Variants in ST7 observed in about 807,000 individuals in gnomAD.
ST7 encodes suppressor of tumorigenicity 7 protein.
A neutral mutation model predicts 78.7 loss-of-function variants in ST7; 28 were observed. That is an observed-to-expected ratio of 0.36 (90% CI 0.26 to 0.49). ST7 has a LOEUF of 0.49. ST7 is among the 20% of genes least tolerant of loss of function. The pLI is 0.99. For missense variants in ST7, 418 were observed against 696.0 expected, an observed-to-expected ratio of 0.60 and a Z score of 4.49; for synonymous variants, 247 against 249.6, an observed-to-expected ratio of 0.99 and a Z score of 0.10.
intron 1 of ST7, chr7:116,968,447 A>G (rs13243111): frequency 0.18 from 80,896 of 451,966 alleles, 8,514 homozygotes; most frequent in South Asian, 0.22. Context: ...GGCTCAAGCA[A>G]TCCTTCTGCC....
At chr7:116,974,172 C>T (rs1411961632) in intron 1 of ST7, among the ~76,000 whole-genome samples, 3 of 152,138 alleles carry the variant, frequency 2.0e-5, no homozygotes, top group African/African-American at 7.2e-5. Flanking sequence ...AAATATCCCC[C>T]TCAGGTATTC....
chr7:116,996,017 C>T (rs1304542152), intron 1 of ST7, among the ~76,000 whole-genome samples: 1 of 151,934 alleles, frequency 6.6e-6, no homozygotes, highest in Non-Finnish European at 1.5e-5. Flanking sequence ...CCCCTTCTTA[C>T]CTCCATAACA....
intron 1 of ST7, among the ~76,000 whole-genome samples, chr7:117,055,964 A>T (rs569596412): frequency 8.9e-4 from 136 of 152,314 alleles, no homozygotes; most frequent in South Asian, 1.5e-3. Context: ...AAGAACTTGG[A>T]GTCCAATATT....
intron 1 of ST7, among the ~76,000 whole-genome samples, chr7:116,986,449 T>G (rs901910239): frequency 1.3e-5 from 2 of 152,202 alleles, no homozygotes; most frequent in African/African-American, 2.4e-5. Flanking sequence ...AAGGACAAAA[T>G]CAAGAGCATT....
intron 9 of ST7, among the ~76,000 whole-genome samples, chr7:117,162,046 G>A (rs1176092213): frequency 6.6e-6 from 1 of 152,120 alleles, no homozygotes; most frequent in Non-Finnish European, 1.5e-5. Flanking sequence ...TGATTTTGGT[G>A]ACTTGTATAT....
chr7:116,976,224 A>T (rs757247813), intron 1 of ST7, among the ~76,000 whole-genome samples: 1 of 152,186 alleles, frequency 6.6e-6, no homozygotes. Context: ...AGATCAGGCC[A>T]CTACACTCCA....
chr7:117,162,550 T>C (rs1807241522), intron 9 of ST7, among the ~76,000 whole-genome samples: 1 of 150,064 alleles, frequency 6.7e-6, no homozygotes, highest in Admixed American at 6.6e-5. Flanking sequence ...AATCCCATCA[T>C]AAATAGTGGA....
intron 1 of ST7, among the ~76,000 whole-genome samples, chr7:117,089,197 G>A (rs1800394865): frequency 6.6e-6 from 1 of 152,206 alleles, no homozygotes; most frequent in African/African-American, 2.4e-5. Context: ...CTGCCAATTT[G>A]TCTCCATGTC....
chr7:117,184,332 T>C (rs1299047376), intron 10 of ST7: 1 of 152,250 alleles, frequency 6.6e-6, no homozygotes, highest in Non-Finnish European at 1.5e-5. Flanking sequence ...GCTAGCTAAA[T>C]GCCACTTACA....
intron 15 of ST7, among the ~76,000 whole-genome samples, chr7:117,226,007 A>G (rs1047207086): frequency 6.6e-5 from 10 of 152,228 alleles, no homozygotes; most frequent in Non-Finnish European, 1.3e-4. Context: ...TGGGAAGGTC[A>G]GGATTCTGAC....
intron 1 of ST7, among the ~76,000 whole-genome samples, chr7:117,027,462 TA>T (rs376939153): frequency 3.4e-4 from 1 of 2,900 alleles, no homozygotes; most frequent in Non-Finnish European, 1.5e-3. Context: ...TAAAGTAAAG[TA>T]AAAGTAAAGT....
At chr7:117,015,038 TC>T in intron 1 of ST7, 1 of 1,156,622 alleles carries the variant, frequency 8.6e-7, no homozygotes, top group South Asian at 2.3e-5. Context: ...TTAAATATTT[TC>T]CAGTTATGTA....
At chr7:117,085,845 G>A (rs746223967) in intron 1 of ST7, among the ~76,000 whole-genome samples, 7 of 151,976 alleles carry the variant, frequency 4.6e-5, no homozygotes, top group Non-Finnish European at 7.4e-5. Flanking sequence ...AGAGATTAAC[G>A]TACTTACTAA....
At chr7:117,078,578 A>G (rs1040782125) in intron 1 of ST7, among the ~76,000 whole-genome samples, 6 of 152,242 alleles carry the variant, frequency 3.9e-5, no homozygotes, top group African/African-American at 1.4e-4. Flanking sequence ...AGTGAGGCAT[A>G]GAAATTTATG....
chr7:116,978,491 A>G (rs567873999), intron 1 of ST7, among the ~76,000 whole-genome samples: 1 of 152,334 alleles, frequency 6.6e-6, no homozygotes, highest in Non-Finnish European at 1.5e-5. Context: ...TTCAATATAC[A>G]TTATGGAGAT....
At chr7:117,164,909 C>G (rs1040652379) in intron 9 of ST7, among the ~76,000 whole-genome samples, 1 of 152,042 alleles carries the variant, frequency 6.6e-6, no homozygotes, top group African/African-American at 2.4e-5. Flanking sequence ...TGGATGATCT[C>G]CACGGACTCT....
At chr7:116,996,010 C>G (rs1411182534) in intron 1 of ST7, among the ~76,000 whole-genome samples, 1 of 151,650 alleles carries the variant, frequency 6.6e-6, no homozygotes, top group Non-Finnish European at 1.5e-5. Flanking sequence ...GTTCCTACCC[C>G]TTCTTACCTC....
rs12534542 is a variant in ST7, at chr7:117,004,905, T to A, written c.151+51214T>A. On this transcript the variant is annotated intron_variant, in intron 1 of 15. Transcript: ENST00000323984. Reference sequence around the variant, plus strand: ...CTGTATTTGTATGAATAAAATTTGATTCAAGTGGAATTAGGAGTAATGGGA... The same window carrying A: ...CTGTATTTGTATGAATAAAATTTGAATCAAGTGGAATTAGGAGTAATGGGA... Among the ~76,000 whole-genome samples, 1,485 of 152,310 alleles carry A rather than the reference T, an allele frequency of 9.7e-3. 31 individuals carry two copies. The highest frequency in any genetic ancestry group is 0.034 in the African/African-American group (1,405 of 41,562).
chr7:117,196,617 T>C (rs1177008742), intron 12 of ST7, among the ~76,000 whole-genome samples: 1 of 142,252 alleles, frequency 7.0e-6, no homozygotes, highest in Admixed American at 7.5e-5. Flanking sequence ...ATAATCAGAT[T>C]GTTGGGCTTT....
Sources: allele counts gnomAD v4.1 joint callset (sites outside exome capture counted in the v4.1 genomes callset), GRCh38; gene constraint gnomAD v4.1.1; transcripts MANE v1.5; gene names NCBI Gene and HGNC (gene_info 2026-07-23, HGNC 2026-07-21).